The following THAP5 variants were observed in gnomAD, a reference collection of about 807,000 sequenced individuals.
THAP5 encodes THAP domain containing 5.
A neutral mutation model predicts 34.0 loss-of-function variants in THAP5; 26 were observed. The ratio of observed to expected loss-of-function variants is 0.77; its 90% CI spans 0.56 to 1.06. The LOEUF (loss-of-function observed/expected upper bound fraction) is 1.06. Ranked by LOEUF, THAP5 falls within the 50% of genes least tolerant of loss-of-function variation. The pLI is 0.00. For synonymous variants in THAP5, 125 were observed against 153.0 expected (o/e 0.82, Z 1.35); for missense variants, 394 against 452.8 (o/e 0.87, Z 1.18).
rs1208664707 is a variant in THAP5, at chr7:108,563,085, T to C, written c.*1106A>G. 1 of 152,194 alleles carries C rather than the reference T, an allele frequency of 6.6e-6. No homozygotes were observed. Among genetic ancestry groups the C allele is most frequent in the Non-Finnish European group, 1.5e-5 (1 of 68,030 alleles). 9.4% of individuals were successfully genotyped at this position (152,194 alleles called of 1,614,324 possible). A position where few individuals can be genotyped will look rare whatever the true frequency, so the allele number is the denominator to read the frequency against. On this transcript the variant is annotated 3_prime_UTR_variant, in exon 3 of 3. Transcript: ENST00000415914. ...AAAATTTTTGGTTTATAAGTTTAAC[T>C]GTATAAATACAGAAAGTTTAGCTTA...
At chr7:108,553,002 G>A (rs923524117), downstream of THAP5, among the ~76,000 whole-genome samples, 1 of 152,064 alleles carries the variant, frequency 6.6e-6, no homozygotes, top group Non-Finnish European at 1.5e-5. Flanking sequence ...ACTAGCAGTG[G>A]CATAAAAAAT....
At chr7:108,561,268 A>ATTT (rs34702798), downstream of THAP5, among the ~76,000 whole-genome samples, 26 of 148,130 alleles carry the variant, frequency 1.8e-4, no homozygotes, top group East Asian at 2.2e-3. Context: ...ACAACATACC[A>ATTT]TTTTTTTTTT....
chr7:108,548,778 C>T, the THAP5 span, among the ~76,000 whole-genome samples: 12 of 152,062 alleles, frequency 7.9e-5, no homozygotes, highest in African/African-American at 2.9e-4. Flanking sequence ...GCAGAAAAGA[C>T]CTCCCCCATG....
the THAP5 span, among the ~76,000 whole-genome samples, chr7:108,545,013 CA>C: frequency 1.3e-5 from 2 of 151,848 alleles, no homozygotes; most frequent in Non-Finnish European, 2.9e-5. Context: ...AAGAGGCAAT[CA>C]AAGGAAACTA....
chr7:108,552,090 A>C (rs1387885815), downstream of THAP5, among the ~76,000 whole-genome samples: 1 of 152,148 alleles, frequency 6.6e-6, no homozygotes. Context: ...ACCATTCAGT[A>C]TATACACTTT....
chr7:108,569,690 G>A lies in THAP5; in HGVS notation c.-121C>T. The A allele has an allele frequency of 1.5e-6, 2 of 1,333,800 alleles. No homozygotes were observed. Among genetic ancestry groups the A allele is most frequent in the Non-Finnish European group, 2.1e-6 (2 of 974,630 alleles). The allele number at this position is 1,333,800 out of a possible 1,614,324, so 82.6% of individuals were successfully genotyped here. ...CTGCGCCTGCGCTAGCATTCTGCCG[G>A]GAAAGCCGCCTCGTCTGTCGACTCA... On this transcript the variant is annotated 5_prime_UTR_variant, in exon 1 of 3. Transcript: ENST00000415914.
chr7:108,551,444 A>G (rs968442705), downstream of THAP5, among the ~76,000 whole-genome samples: 22 of 152,218 alleles, frequency 1.4e-4, no homozygotes, highest in African/African-American at 5.1e-4. Flanking sequence ...CCATATAAGG[A>G]TGTGGCAAGA....
downstream of THAP5, among the ~76,000 whole-genome samples, chr7:108,558,164 T>G (rs889186479): frequency 1.2e-4 from 18 of 151,958 alleles, 1 homozygote; most frequent in East Asian, 1.9e-3. Context: ...ACATGGGGAT[T>G]ACAATTTGGC....
chr7:108,543,405 TCAC>T, the THAP5 span, among the ~76,000 whole-genome samples: 1 of 152,156 alleles, frequency 6.6e-6, no homozygotes, highest in Non-Finnish European at 1.5e-5. Context: ...ATCAAGCAAG[TCAC>T]TAAGGCCAGT....
chr7:108,546,789 C>G, the THAP5 span, among the ~76,000 whole-genome samples: 8,490 of 152,190 alleles, frequency 0.056, 764 homozygotes, highest in African/African-American at 0.19. Context: ...TTACAGTACT[C>G]TTCAGAAATA....
chr7:108,542,060 A>C, the THAP5 span, among the ~76,000 whole-genome samples: 10 of 152,206 alleles, frequency 6.6e-5, no homozygotes, highest in Admixed American at 1.3e-4. Context: ...AGGAAAAAAA[A>C]CCCTTAAATT....
chr7:108,564,505 G>A lies in THAP5; in HGVS notation c.874C>T (p.Gln292Ter), dbSNP rs749728187. The A allele has an allele frequency of 6.2e-7, 1 of 1,613,864 alleles. No homozygotes were observed. The highest frequency in any genetic ancestry group is 1.3e-5 in the African/African-American group (1 of 75,008). The change falls in exon 3 of 3, where the codon CAA becomes TAA. Residue 292 changes from glutamine (Q) to a stop codon, truncating the protein, a stop_gained. Coordinates refer to ENST00000415914, the MANE Select transcript of THAP5 (RefSeq NM_001130475.3). LOFTEE classifies it high-confidence loss of function. Reference protein sequence around the residue: ...KPSVNSFISAQKETTEMEDTD... With the variant: ...KPSVNSFISA ...TCTTCCATTTCCGTGGTTTCTTTTT[G>A]TGCAGATATAAAAGAATTAACTGAG...
downstream of THAP5, among the ~76,000 whole-genome samples, chr7:108,562,064 T>C (rs1338450746): frequency 1.3e-5 from 2 of 152,176 alleles, no homozygotes; most frequent in South Asian, 2.1e-4. Flanking sequence ...CTAGTGAGCA[T>C]TTCCTTTGCG....
chr7:108,564,029 T>G lies in THAP5; in HGVS notation c.*162A>C, dbSNP rs1790418760. 5.5e-6 allele frequency: 3 copies of G among 542,060 alleles called. No homozygotes were observed. The South Asian group carries it at 1.7e-4, about 31-fold the overall frequency. 33.6% of individuals were successfully genotyped at this position (542,060 alleles called of 1,614,324 possible). ...CTCCAGCCCAACTCTCTGGTTTTTC[T>G]TAAATAAGTATTACAAGAATAGGAT... On this transcript the variant is annotated 3_prime_UTR_variant, in exon 3 of 3. Transcript: ENST00000415914.
At chr7:108,553,381 T>C (rs1864366058), downstream of THAP5, among the ~76,000 whole-genome samples, 1 of 152,200 alleles carries the variant, frequency 6.6e-6, no homozygotes, top group African/African-American at 2.4e-5. Flanking sequence ...CAGCTCTGTC[T>C]CTAGTTCTTA....
chr7:108,569,321 T>C, intron 1 of THAP5, 169 bp downstream of exon 1: 1 of 1,459,382 alleles, frequency 6.9e-7, no homozygotes, highest in Non-Finnish European at 9.0e-7. Flanking sequence ...AGAAGGGCAT[T>C]GCTAGCTAAA....
chr7:108,543,977 C>T, the THAP5 span, among the ~76,000 whole-genome samples: 5 of 151,992 alleles, frequency 3.3e-5, no homozygotes, highest in African/African-American at 7.2e-5. Context: ...AAATTATGAA[C>T]GACTATATGC....
At chr7:108,547,742 T>A in the THAP5 span, among the ~76,000 whole-genome samples, 2 of 152,212 alleles carry the variant, frequency 1.3e-5, no homozygotes, top group Non-Finnish European at 2.9e-5. Context: ...TAAAATCACA[T>A]AGTTGAGCTG....
At chr7:108,559,932 G>A (rs184901106), downstream of THAP5, among the ~76,000 whole-genome samples, 7 of 151,992 alleles carry the variant, frequency 4.6e-5, no homozygotes, top group Admixed American at 4.6e-4. Context: ...ATTTAGGTGG[G>A]GACACAAAGC....
Sources: allele counts gnomAD v4.1 joint callset (sites outside exome capture counted in the v4.1 genomes callset), GRCh38; gene constraint gnomAD v4.1.1; transcripts MANE v1.5; gene names NCBI Gene and HGNC (gene_info 2026-07-23, HGNC 2026-07-21).